DDX27: variants seen among roughly 807,000 people sequenced by gnomAD.
The protein encoded by DDX27 is probable ATP-dependent RNA helicase DDX27.
DDX27 carries 42 observed loss-of-function variants against 99.3 expected under a neutral mutation model. The ratio of observed to expected loss-of-function variants is 0.42; its 90% CI spans 0.33 to 0.55. The LOEUF (loss-of-function observed/expected upper bound fraction) is 0.55, where lower values mean the gene tolerates loss of function less well. Among genes scored for constraint, DDX27 ranks in the 20% least tolerant of loss-of-function variants. The pLI is 0.07. For synonymous variants in DDX27, 329 were observed against 353.8 expected (o/e 0.93, Z 0.79); for missense variants, 798 against 976.8 (o/e 0.82, Z 2.44).
chr20:49,236,093 G>C lies in DDX27; in HGVS notation c.1428-57G>C, dbSNP rs377640597. ...CTGTCCTCTGCTGGCTCAGGCTCTT[G>C]TGGAGCATTATTAGGGGAGGGTGTC... On this transcript the variant is annotated intron_variant, in intron 12 of 20. Transcript: ENST00000618172. The surrounding 1 kb of genome is among the most constrained non-coding windows in gnomAD (Gnocchi z 4.1). 27 of 1,518,570 alleles carry C rather than the reference G, an allele frequency of 1.8e-5. No individual in the cohort carries two copies. The highest frequency in any genetic ancestry group is 2.4e-5 in the Non-Finnish European group (27 of 1,111,830). 94.1% of individuals were successfully genotyped at this position (1,518,570 alleles called of 1,614,324 possible).
chr20:49,233,497 G>A (rs1263024135), intron 10 of DDX27, 71 bp from the exon 11 acceptor site: 32 of 1,601,004 alleles, frequency 2.0e-5, no homozygotes, highest in Non-Finnish European at 2.6e-5. Flanking sequence ...GGTTTGCCTG[G>A]GGTGAGCACT....
At position 49,228,837 on chromosome 20, in the gene DDX27, G is replaced by T. The variant is rs781250216; in HGVS notation, c.829G>T (p.Val277Phe). The change falls in exon 8 of 21, where the codon GTC becomes TTC. Residue 277 changes from valine to phenylalanine, a missense_variant. By Grantham distance (50) the Val-to-Phe change is conservative (BLOSUM62 -1). This residue lies in a region of DDX27 where 553 missense variants were observed against 727.9 expected (regional missense o/e 0.76). Transcript: ENST00000618172. ...TRELGIQVHS[V>F]TRQLAQFCNI... The stretch of plus-strand genomic sequence containing the variant: ...AGAGCTGGGCATCCAGGTGCACTCT[G>T]TCACCAGACAGCTGGCCCAGTTCTG... 3.1e-6 allele frequency: 5 copies of T among 1,611,342 alleles called. No individual in the cohort carries two copies. The South Asian group carries it at 5.5e-5, about 18-fold the overall frequency.
At position 49,223,396 on chromosome 20, in the gene DDX27, C is replaced by A. The variant is rs781143521; in HGVS notation, c.429C>A (p.Asp143Glu). The stretch of plus-strand genomic sequence containing the variant: ...CAGAAGATGAAGCCTCGGAGACTGA[C>A]TACTCATCAGCTGATGAGAACATCC... The part of the protein sequence containing the change: ...EGSEDEASET[D>E]YSSADENILT... The change falls in exon 4 of 21, where the codon GAC (aspartate) becomes GAA (glutamate). Residue 143 changes from aspartate to glutamate, a missense_variant. Physicochemically the swap from Asp to Glu is conservative, Grantham distance 45. This residue lies in a region of DDX27 where 245 missense variants were observed against 248.8 expected (regional missense o/e 0.98). Transcript: ENST00000618172. 1.9e-6 allele frequency: 3 copies of A among 1,613,262 alleles called. No homozygotes were observed. In the Admixed American group the frequency reaches 5.0e-5, roughly 27 times the overall value.
At chr20:49,229,763 T>C (rs777952286) in intron 8 of DDX27, among the ~76,000 whole-genome samples, 1 of 151,488 alleles carries the variant, frequency 6.6e-6, no homozygotes, top group Non-Finnish European at 1.5e-5. Flanking sequence ...ATTCTCCCAC[T>C]GCTTTCCAAG....
chr20:49,227,542 T>C (rs1979944066), intron 7 of DDX27, among the ~76,000 whole-genome samples: 1 of 151,974 alleles, frequency 6.6e-6, no homozygotes, highest in Admixed American at 6.6e-5. Flanking sequence ...GATTTTTGTA[T>C]TTTTAGTAGA....
At chr20:49,223,243 A>G in intron 3 of DDX27, 25 bp from the exon 4 acceptor site, 1 of 1,596,156 alleles carries the variant, frequency 6.3e-7, no homozygotes, top group South Asian at 1.1e-5. Flanking sequence ...GTTTCTCATC[A>G]CCCTCACTTT....
rs1182504058 is a variant in DDX27 at position 49,223,028 on chromosome 20, A to C, written c.300+12A>C. 1.2e-6 allele frequency: 2 copies of C among 1,611,638 alleles called. No homozygotes were observed. The highest frequency in any genetic ancestry group is 3.4e-5 in the Admixed American group (2 of 59,580). On this transcript the variant is annotated intron_variant, in intron 3 of 20. Transcript: ENST00000618172. ...AAAGGAAAACAGAGGTGAGAAGAAAAGTGGCTATTTTTCGTTGTTAGGGCC... is the reference window on the plus strand; with the variant it reads ...AAAGGAAAACAGAGGTGAGAAGAAACGTGGCTATTTTTCGTTGTTAGGGCC...
intron 7 of DDX27, among the ~76,000 whole-genome samples, chr20:49,228,226 T>G (rs1979970495): frequency 6.6e-6 from 1 of 151,652 alleles, no homozygotes; most frequent in African/African-American, 2.4e-5. Flanking sequence ...CACTGCAACC[T>G]CTGCCTTCAA....
chr20:49,230,470 C>G, intron 9 of DDX27, 121 bp downstream of exon 9: 2 of 1,159,848 alleles, frequency 1.7e-6, no homozygotes, highest in Non-Finnish European at 2.4e-6. Flanking sequence ...GTGTGCGATA[C>G]CAGATCAGCC....
Position 49,244,038 on chromosome 20 carries a change from C to T in DDX27, c.*204C>T. ...TTCTTGCTGATTAGCTTTCATATGACTATATTAAATGGAAGTATTTTTGGG... is the reference window on the plus strand; with the variant it reads ...TTCTTGCTGATTAGCTTTCATATGATTATATTAAATGGAAGTATTTTTGGG... On this transcript the variant is annotated 3_prime_UTR_variant, in exon 21 of 21. Transcript: ENST00000618172. The T allele has an allele frequency of 1.6e-6, 1 of 611,986 alleles. No individual in the cohort carries two copies. Among genetic ancestry groups the T allele is most frequent in the South Asian group, 2.0e-5 (1 of 49,114 alleles). 37.9% of individuals were successfully genotyped at this position (611,986 alleles called of 1,614,324 possible).
At chr20:49,238,467 A>T (rs1980372172) in intron 14 of DDX27, 4 of 144,438 alleles carry the variant, frequency 2.8e-5, no homozygotes, top group African/African-American at 5.3e-5. Context: ...ATGATGGCTA[A>T]TTTTTTTTTT....
At chr20:49,226,557 G>T (rs1034929734) in intron 7 of DDX27, 22 bp downstream of exon 7, 1 of 1,600,260 alleles carries the variant, frequency 6.2e-7, no homozygotes, top group East Asian at 2.2e-5. Flanking sequence ...AGGGACCCAG[G>T]GTGGGCAGAA....
Position 49,233,693 on chromosome 20 carries a change from G to A in DDX27, c.1257G>A (p.Arg419=). Residue 419 remains arginine (R), a synonymous_variant, in exon 11 of 21, where the codon CGG becomes CGA. Transcript: ENST00000618172. ...IRIRPNREGD[R]EAIVAALLTR... ...TCCGGCCTAATCGTGAAGGAGACCG[G>A]GAAGCCATCGTGGCAGGTGGCAGCA... is the stretch of plus-strand genomic sequence containing the variant. 6.2e-7 allele frequency: 1 copy of A among 1,613,640 alleles called. No homozygotes were observed. Among genetic ancestry groups the A allele is most frequent in the African/African-American group, 1.3e-5 (1 of 75,062 alleles).
chr20:49,222,406 T>C (rs1979721851), intron 2 of DDX27, among the ~76,000 whole-genome samples: 2 of 152,074 alleles, frequency 1.3e-5, no homozygotes, highest in South Asian at 4.1e-4. Flanking sequence ...GCCTCCTGGG[T>C]TCAAGCGATT....
Position 49,236,524 on chromosome 20 carries a change from C to A in DDX27, c.1687+14C>A, listed in dbSNP as rs1234711922. 6.4e-7 allele frequency: 1 copy of A among 1,558,538 alleles called. No individual in the cohort carries two copies. The highest frequency in any genetic ancestry group is 8.7e-7 in the Non-Finnish European group (1 of 1,151,700). ...TACTTCCCCAAGGTGAGCAGGCACC[C>A]CTGTGGCAGTGCAGAATGGCTCGGT... On this transcript the variant is annotated intron_variant, in intron 14 of 20. Coordinates refer to ENST00000618172, the MANE Select transcript of DDX27 (RefSeq NM_017895.8). This position sits in a 1 kb window ranked among gnomAD's most constrained non-coding sequence, Gnocchi z 4.1.
chr20:49,226,278 C>T (rs1979883086), intron 6 of DDX27, 152 bp from the exon 7 acceptor site: 4 of 562,134 alleles, frequency 7.1e-6, no homozygotes, highest in Admixed American at 6.2e-5. Flanking sequence ...TAGAGCACCA[C>T]CTCACACATA....
intron 11 of DDX27, chr20:49,233,964 G>A (rs1212280287): frequency 2.1e-5 from 10 of 465,982 alleles, no homozygotes; most frequent in Admixed American, 3.3e-5. Flanking sequence ...TGTTGTACCC[G>A]TCAGTCCAGA....
Position 49,223,442 on chromosome 20 carries a change from T to C in DDX27, c.466+9T>C. On this transcript the variant is annotated intron_variant, in intron 4 of 20. Transcript: ENST00000618172. ...CATCCTCACCAAAGCAGGTAGACGT[T>C]ACGGCGGAGGTGTCAGTAATGGGGA... The C allele has an allele frequency of 6.2e-7, 1 of 1,603,464 alleles. No homozygotes were observed. Among genetic ancestry groups the C allele is most frequent in the Non-Finnish European group, 8.5e-7 (1 of 1,176,372 alleles).
intron 12 of DDX27, 124 bp downstream of exon 12, chr20:49,235,212 C>G (rs1421068720): frequency 8.4e-7 from 1 of 1,192,940 alleles, no homozygotes; most frequent in African/African-American, 1.5e-5. Flanking sequence ...TGATCTTGGC[C>G]TTGAACATTT....
Sources: gnomAD v4.1 joint callset for allele counts (sites outside exome capture counted in the v4.1 genomes callset) on GRCh38, gnomAD v4.1.1 for gene constraint, gnomAD v4.1.1 regional missense constraint, Gnocchi (gnomAD v3.1) non-coding constraint, MANE v1.5 for transcripts, NCBI Gene and HGNC (gene_info 2026-07-23, HGNC 2026-07-21) for gene names.